Variants in ANKRD12 observed in about 807,000 individuals in gnomAD.
ANKRD12 encodes the protein ankyrin repeat domain-containing protein 12.
A neutral mutation model predicts 183.4 loss-of-function variants in ANKRD12; 85 were observed. The ratio of observed to expected loss-of-function variants is 0.46; its 90% CI spans 0.39 to 0.56. ANKRD12 has a LOEUF of 0.56. Among genes scored for constraint, ANKRD12 ranks in the 20% least tolerant of loss-of-function variants. The pLI is 0.00. For synonymous variants in ANKRD12, 914 were observed against 800.2 expected (o/e 1.14, Z -2.40); for missense variants, 2,405 against 2,357.1 (o/e 1.02, Z -0.42).
chr18:9,225,497 A>G (rs1160313163), intron 8 of ANKRD12, among the ~76,000 whole-genome samples: 1 of 152,044 alleles, frequency 6.6e-6, no homozygotes, highest in Non-Finnish European at 1.5e-5. Context: ...AAAGTATTCA[A>G]ATATATACAT....
intron 1 of ANKRD12, among the ~76,000 whole-genome samples, chr18:9,170,949 T>C (rs1258707605): frequency 2.0e-5 from 3 of 152,352 alleles, no homozygotes; most frequent in Admixed American, 6.5e-5. Context: ...TGCAGGTCTG[T>C]TGGAGTTTGC....
Position 9,254,917 on chromosome 18 carries a change from A to G in ANKRD12, c.1650A>G (p.Leu550=), listed in dbSNP as rs756434974. The G allele has an allele frequency of 8.9e-6, 14 of 1,572,636 alleles. 1 individual carries two copies. In the South Asian group the frequency reaches 1.7e-4, roughly 19 times the overall value. Reference sequence around the variant, plus strand: ...AATCTCCCAAACATTCTTGTGGATTAAGTGAAAAACAGTCAACACCACTAA... The same window carrying G: ...AATCTCCCAAACATTCTTGTGGATTGAGTGAAAAACAGTCAACACCACTAA... ...TGKSPKHSCG[L]SEKQSTPLKQ... The change falls in exon 9 of 13, where the codon TTA becomes TTG. Residue 550 remains leucine, a synonymous_variant. Transcript: ENST00000262126.
intron 1 of ANKRD12, among the ~76,000 whole-genome samples, chr18:9,163,882 T>C (rs2031739261): frequency 6.6e-6 from 1 of 152,192 alleles, no homozygotes; most frequent in Admixed American, 6.5e-5. Flanking sequence ...TGATTTTGTA[T>C]CCTGAGATTT....
At chr18:9,246,530 A>G (rs1598678974) in intron 8 of ANKRD12, among the ~76,000 whole-genome samples, 1 of 152,156 alleles carries the variant, frequency 6.6e-6, no homozygotes, top group Non-Finnish European at 1.5e-5. Context: ...ATTCTAAAGG[A>G]CCACATACTT....
At chr18:9,216,989 T>A in intron 7 of ANKRD12, 89 bp downstream of exon 7, 1 of 1,244,688 alleles carries the variant, frequency 8.0e-7, no homozygotes, top group Non-Finnish European at 1.1e-6. Context: ...AGTCATATGA[T>A]CTGTGTCATA....
Position 9,257,811 on chromosome 18 carries a change from C to G in ANKRD12, c.4544C>G (p.Ala1515Gly). The change falls in exon 9 of 13, where the codon GCT becomes GGT. Residue 1515 changes from alanine (A) to glycine (G), a missense_variant. Physicochemically the swap from Ala to Gly is moderately conservative, Grantham distance 60 (BLOSUM62 0). Transcript: ENST00000262126. ...ISKHMSLSYVANQEPGILQQK... is the reference protein window; with the variant it reads ...ISKHMSLSYVGNQEPGILQQK... ...AAACATATGTCTTTGTCATATGTTGCTAATCAAGAGCCAGGTATTTTACAA... is the reference window on the plus strand; with the variant it reads ...AAACATATGTCTTTGTCATATGTTGGTAATCAAGAGCCAGGTATTTTACAA... The G allele has an allele frequency of 6.2e-7, 1 of 1,613,788 alleles. No individual in the cohort carries two copies. Among genetic ancestry groups the G allele is most frequent in the East Asian group, 2.2e-5 (1 of 44,876 alleles).
intron 10 of ANKRD12, among the ~76,000 whole-genome samples, chr18:9,264,729 T>A (rs1212181177): frequency 6.6e-6 from 1 of 152,040 alleles, no homozygotes; most frequent in Non-Finnish European, 1.5e-5. Context: ...CAATAAGAAG[T>A]CAGGTAATAT....
At chr18:9,272,361 A>G (rs973479960) in intron 10 of ANKRD12, among the ~76,000 whole-genome samples, 4 of 152,094 alleles carry the variant, frequency 2.6e-5, no homozygotes, top group Admixed American at 2.6e-4. Flanking sequence ...TCAGGAGTTC[A>G]AGACCAGCCT....
intron 1 of ANKRD12, among the ~76,000 whole-genome samples, chr18:9,172,003 A>C (rs1418686259): frequency 6.7e-6 from 1 of 148,316 alleles, no homozygotes; most frequent in Non-Finnish European, 1.5e-5. Context: ...CTGGGCAGGA[A>C]GAGTGAAATG....
intron 2 of ANKRD12, among the ~76,000 whole-genome samples, chr18:9,182,768 G>GA (rs1393805811): frequency 6.6e-6 from 1 of 151,960 alleles, no homozygotes; most frequent in African/African-American, 2.4e-5. Flanking sequence ...TTGAGAGAGG[G>GA]AAAAATTTTT....
chr18:9,163,520 T>A (rs1163422991), intron 1 of ANKRD12, among the ~76,000 whole-genome samples: 2 of 152,214 alleles, frequency 1.3e-5, no homozygotes, highest in Non-Finnish European at 2.9e-5. Flanking sequence ...ACGGGCTCTT[T>A]TTTGGTACCA....
Position 9,258,567 on chromosome 18 carries a change from C to T in ANKRD12, c.5300C>T (p.Pro1767Leu), listed in dbSNP as rs199883340. ...GAAAAAGACAGTGAATCCTCATCTC[C>T]TAGAGGAAGAATAAGATTAACTGAA... ...LSEKDSESSSPRGRIRLTEDD... is the reference protein window; with the variant it reads ...LSEKDSESSSLRGRIRLTEDD... Residue 1767 changes from proline to leucine, a missense_variant, in exon 9 of 13, where the codon CCT becomes CTT. Physicochemically the swap from Pro to Leu is moderately conservative, Grantham distance 98. Around this residue, in one of 7 missense-constraint regions of ANKRD12, gnomAD observed 1,983 missense variants for 1,725.9 expected, o/e 1.15. Coordinates refer to ENST00000262126, the MANE Select transcript of ANKRD12 (RefSeq NM_015208.5). 4 of 1,613,810 alleles carry T rather than the reference C, an allele frequency of 2.5e-6. No individual in the cohort carries two copies. The East Asian group carries it at 6.7e-5, about 27-fold the overall frequency.
intron 3 of ANKRD12, among the ~76,000 whole-genome samples, chr18:9,197,787 G>T (rs532551462): frequency 6.6e-6 from 1 of 152,270 alleles, no homozygotes; most frequent in South Asian, 2.1e-4. Context: ...AAGAGGAGGG[G>T]TTGATTTTGC....
rs1182407550 is a variant in ANKRD12 at position 9,284,770 on chromosome 18, A to G, written c.*3644A>G. 4 of 152,254 alleles carry G rather than the reference A, an allele frequency of 2.6e-5. No homozygotes were observed. The highest frequency in any genetic ancestry group is 5.9e-5 in the Non-Finnish European group (4 of 68,042). 9.4% of individuals were successfully genotyped at this position (152,254 alleles called of 1,614,324 possible). ...CAAATTAAAACAATTCCATTAATCAAAATGGCTTTAAACAAATTAAGTATT... is the reference window on the plus strand; with the variant it reads ...CAAATTAAAACAATTCCATTAATCAGAATGGCTTTAAACAAATTAAGTATT... On this transcript the variant is annotated 3_prime_UTR_variant, in exon 13 of 13. Coordinates refer to ENST00000262126, the MANE Select transcript of ANKRD12 (RefSeq NM_015208.5).
At chr18:9,251,450 A>G (rs2038293236) in intron 8 of ANKRD12, among the ~76,000 whole-genome samples, 1 of 152,246 alleles carries the variant, frequency 6.6e-6, no homozygotes, top group Admixed American at 6.5e-5. Flanking sequence ...TTTCAAATGT[A>G]TTTAAATGCA....
At chr18:9,245,067 C>T (rs978585056) in intron 8 of ANKRD12, among the ~76,000 whole-genome samples, 1 of 151,946 alleles carries the variant, frequency 6.6e-6, no homozygotes, top group Non-Finnish European at 1.5e-5. Context: ...CTTTTTTATG[C>T]ACTTAGCCCA....
rs567703247 is a variant in ANKRD12, at chr18:9,215,569, T to C, written c.653-1189T>C. On this transcript the variant is annotated intron_variant, in intron 6 of 12. Transcript: ENST00000262126. The stretch of plus-strand genomic sequence containing the variant: ...CTCTAATTAGAGGGTCATAAGGAAC[T>C]TTAAAGCTCATTACACACGGTACTC... Among the ~76,000 whole-genome samples, 3 of 152,228 alleles carry C rather than the reference T, an allele frequency of 2.0e-5. No homozygotes were observed. The East Asian group carries it at 5.8e-4, about 29-fold the overall frequency.
At chr18:9,159,470 C>T (rs1209974806) in intron 1 of ANKRD12, among the ~76,000 whole-genome samples, 8 of 152,044 alleles carry the variant, frequency 5.3e-5, no homozygotes, top group Admixed American at 2.0e-4. Context: ...CTTGCTCTGT[C>T]GCCCAGGCTG....
At chr18:9,174,000 G>C in intron 1 of ANKRD12, among the ~76,000 whole-genome samples, 1 of 152,238 alleles carries the variant, frequency 6.6e-6, no homozygotes, top group Non-Finnish European at 1.5e-5. Flanking sequence ...ACCTTGGCTG[G>C]AGTTGCTGAA....
Sources: gnomAD v4.1 joint callset for allele counts (sites outside exome capture counted in the v4.1 genomes callset) on GRCh38, gnomAD v4.1.1 for gene constraint, gnomAD v4.1.1 regional missense constraint, MANE v1.5 for transcripts, NCBI Gene and HGNC (gene_info 2026-07-23, HGNC 2026-07-21) for gene names.